FAN1: variants seen among roughly 807,000 people sequenced by gnomAD.
FAN1 encodes fanconi-associated nuclease 1.
A neutral mutation model predicts 104.9 loss-of-function variants in FAN1; 91 were observed. The observed-to-expected ratio is 0.87, with a 90% CI of 0.73 to 1.03. FAN1 has a LOEUF of 1.03. Among genes scored for constraint, FAN1 ranks in the 50% least tolerant of loss-of-function variants. FAN1 has a pLI of 0.00. For synonymous variants in FAN1, 478 were observed against 457.6 expected (o/e 1.04, Z -0.57); for missense variants, 1,263 against 1,239.9 (o/e 1.02, Z -0.28).
At chr15:30,908,871 C>A (rs746615113) in intron 3 of FAN1, among the ~76,000 whole-genome samples, 27 of 152,308 alleles carry the variant, frequency 1.8e-4, no homozygotes, top group South Asian at 1.0e-3. Flanking sequence ...CTTCTTGGCG[C>A]TCTCCTTCCA....
intron 4 of FAN1, among the ~76,000 whole-genome samples, chr15:30,912,866 G>A (rs2062127488): frequency 6.6e-6 from 1 of 152,196 alleles, no homozygotes; most frequent in Non-Finnish European, 1.5e-5. Context: ...TGTCAATAGT[G>A]CTGAAGCTGA....
At position 30,941,918 on chromosome 15, in the gene FAN1, T is replaced by C. The variant is rs373673245; in HGVS notation, c.*356T>C. 1 of 1,614,066 alleles carries C rather than the reference T, an allele frequency of 6.2e-7. No homozygotes were observed. The highest frequency in any genetic ancestry group is 1.1e-5 in the South Asian group (1 of 91,084). ...TTTGGAAAACCATTCTCTAAAATAC[T>C]GCTCCGTATCACTGTTCTGGCTGTC... On this transcript the variant is annotated 3_prime_UTR_variant, in exon 15 of 15. Coordinates refer to ENST00000362065, the MANE Select transcript of FAN1 (RefSeq NM_014967.5).
chr15:30,917,739 C>G (rs1362824974), intron 5 of FAN1, among the ~76,000 whole-genome samples: 1 of 152,212 alleles, frequency 6.6e-6, no homozygotes, highest in South Asian at 2.1e-4. Context: ...ATCTTCTTAG[C>G]TTGGGCAGCA....
chr15:30,931,171 C>T (rs546734536), intron 13 of FAN1, among the ~76,000 whole-genome samples: 1 of 152,180 alleles, frequency 6.6e-6, no homozygotes, highest in South Asian at 2.1e-4. Flanking sequence ...TCTCATGTAC[C>T]CCATAAATAT....
chr15:30,941,804 T>A lies in FAN1; in HGVS notation c.*242T>A. The A allele has an allele frequency of 6.2e-7, 1 of 1,614,036 alleles. No individual in the cohort carries two copies. ...GGAGCCACCCAGGCTGATCTGGGCCTCGGGAACCCAGCGGAAGTAGCACAG... is the reference window on the plus strand; with the variant it reads ...GGAGCCACCCAGGCTGATCTGGGCCACGGGAACCCAGCGGAAGTAGCACAG... On this transcript the variant is annotated 3_prime_UTR_variant, in exon 15 of 15. Transcript: ENST00000362065.
intron 10 of FAN1, chr15:30,927,050 A>G (rs1274012314): frequency 1.6e-5 from 16 of 982,254 alleles, no homozygotes; most frequent in African/African-American, 3.5e-5. Context: ...GGTAGCTTAC[A>G]CTTGTAATCC....
At chr15:30,940,000 C>A (rs1192395303) in intron 14 of FAN1, 1 of 975,994 alleles carries the variant, frequency 1.0e-6, no homozygotes, top group Admixed American at 6.2e-5. Flanking sequence ...GCAAATAATT[C>A]AAAAAGAAAC....
chr15:30,927,729 C>T (rs1388051855), intron 10 of FAN1: 1 of 985,662 alleles, frequency 1.0e-6, no homozygotes, highest in African/African-American at 1.7e-5. Flanking sequence ...ATCCATGTGG[C>T]CTCCTCCTCT....
At chr15:30,928,875 C>T (rs955019263) in intron 11 of FAN1, 95 of 773,628 alleles carry the variant, frequency 1.2e-4, no homozygotes, top group Non-Finnish European at 1.4e-4. Flanking sequence ...CTCCACCTTA[C>T]ATTTAGACCT....
At chr15:30,925,970 C>T in intron 10 of FAN1, 31 bp downstream of exon 10, 1 of 1,611,430 alleles carries the variant, frequency 6.2e-7, no homozygotes, top group Non-Finnish European at 8.5e-7. Flanking sequence ...TTGTGGCACC[C>T]AGCCCCGGGT....
chr15:30,930,738 T>C, intron 13 of FAN1, 67 bp downstream of exon 13: 8 of 1,572,460 alleles, frequency 5.1e-6, no homozygotes, highest in South Asian at 1.1e-5. Context: ...AGGCCACAAG[T>C]AGGCATTTCT....
chr15:30,928,797 C>T (rs549982773), intron 11 of FAN1, 141 bp downstream of exon 11: 5 of 1,472,826 alleles, frequency 3.4e-6, no homozygotes, highest in African/African-American at 1.4e-5. Context: ...AAGATGATAA[C>T]TTATTTTAAA....
intron 7 of FAN1, among the ~76,000 whole-genome samples, chr15:30,920,969 A>C (rs1014863850): frequency 2.0e-5 from 3 of 152,100 alleles, no homozygotes; most frequent in Non-Finnish European, 1.5e-5. Flanking sequence ...TTTTTAGTAG[A>C]GGTGAGATTT....
In FAN1 at chr15:30,943,068, A is replaced by C. The variant is rs2063106108; in HGVS notation, c.*1506A>C. On this transcript the variant is annotated 3_prime_UTR_variant, in exon 15 of 15. Transcript: ENST00000362065. ...CAATTGGATGTTTTTGCTTATAGCA[A>C]ATTCCTGCAAAATAAATAAATAAAT... The C allele has an allele frequency of 6.6e-7, 1 of 1,526,408 alleles. No homozygotes were observed. The highest frequency in any genetic ancestry group is 8.8e-7 in the Non-Finnish European group (1 of 1,140,304). 94.6% of individuals were successfully genotyped at this position (1,526,408 alleles called of 1,614,324 possible). A position where few individuals can be genotyped will look rare whatever the true frequency, so the allele number is the denominator to read the frequency against.
At chr15:30,910,256 C>T (rs936704074) in intron 3 of FAN1, among the ~76,000 whole-genome samples, 6 of 152,212 alleles carry the variant, frequency 3.9e-5, no homozygotes, top group Admixed American at 3.3e-4. Context: ...TCTCTCTGAC[C>T]TGGTTTGAGA....
intron 4 of FAN1, among the ~76,000 whole-genome samples, chr15:30,912,839 G>A (rs1451017185): frequency 6.6e-6 from 1 of 152,174 alleles, no homozygotes; most frequent in East Asian, 1.9e-4. Context: ...TGACAACAAA[G>A]AATTACCTAG....
chr15:30,918,358 C>T (rs1350314733), intron 6 of FAN1, 63 bp downstream of exon 6: 2 of 1,525,402 alleles, frequency 1.3e-6, no homozygotes, highest in Non-Finnish European at 1.8e-6. Flanking sequence ...CCAACACTTA[C>T]AGTAATTTTC....
intron 4 of FAN1, 104 bp downstream of exon 4, chr15:30,910,919 T>C (rs995265776): frequency 9.1e-6 from 13 of 1,425,610 alleles, no homozygotes; most frequent in Non-Finnish European, 1.8e-6. Flanking sequence ...TTTATTTCAG[T>C]TGTAGTTAGA....
chr15:30,918,874 C>T (rs1481861269), intron 6 of FAN1, among the ~76,000 whole-genome samples: 1 of 151,818 alleles, frequency 6.6e-6, no homozygotes, highest in East Asian at 1.9e-4. Flanking sequence ...TACAGTTGAC[C>T]CTTGAATGAT....
Sources: allele counts gnomAD v4.1 joint callset (sites outside exome capture counted in the v4.1 genomes callset), GRCh38; gene constraint gnomAD v4.1.1; transcripts MANE v1.5; gene names NCBI Gene and HGNC (gene_info 2026-07-23, HGNC 2026-07-21).